FAM174A: variants seen among roughly 807,000 people sequenced by gnomAD.
The protein encoded by FAM174A is membrane protein FAM174A.
In FAM174A, 14 loss-of-function variants were observed where a neutral mutation model predicts 14.3. The observed-to-expected ratio is 0.98, with a 90% confidence interval of 0.65 to 1.53. FAM174A has a LOEUF of 1.53. Ranked by LOEUF, FAM174A falls within the 40% of genes most tolerant of loss-of-function variation. The probability of loss-of-function intolerance (pLI) is 0.00; values close to 1 mark genes in which losing one functional copy is unlikely to be tolerated. For missense variants in FAM174A, 241 were observed against 249.6 expected, an observed-to-expected ratio of 0.97 and a Z score of 0.23; for synonymous variants, 108 against 111.4, an observed-to-expected ratio of 0.97 and a Z score of 0.19.
Position 100,562,204 on chromosome 5 carries a change from G to C in FAM174A, c.569+16G>C, listed in dbSNP as rs1450483102. 1.3e-6 allele frequency: 2 copies of C among 1,557,864 alleles called. No homozygotes were observed. The highest frequency in any genetic ancestry group is 1.4e-5 in the African/African-American group (1 of 70,348). On this transcript the variant is annotated intron_variant, in intron 2 of 2. Transcript: ENST00000312637. ...ATCCTCGAAGGTAAGTATTCCAGTA[G>C]TTTAATTCCATGAATCAGGAAGCAA...
Position 100,586,395 on chromosome 5 carries a change from G to A in FAM174A, c.*211G>A. The A allele has an allele frequency of 3.2e-6, 1 of 315,354 alleles. No homozygotes were observed. Among genetic ancestry groups the A allele is most frequent in the Non-Finnish European group, 5.9e-6 (1 of 168,766 alleles). The allele number at this position is 315,354 out of a possible 1,614,324, so 19.5% of individuals were successfully genotyped here. ...GTACTCTGTTAATGGGCTCAGAGAT[G>A]TTGGGGATAAAGTATACTGTAATAA... On this transcript the variant is annotated 3_prime_UTR_variant, in exon 3 of 3. Transcript: ENST00000312637.
At chr5:100,552,903 A>C (rs910095592) in intron 1 of FAM174A, among the ~76,000 whole-genome samples, 2 of 152,126 alleles carry the variant, frequency 1.3e-5, no homozygotes, top group African/African-American at 4.8e-5. Context: ...ATAACCATAT[A>C]GCTTTTTTCT....
At chr5:100,576,765 T>C (rs1314926933) in intron 2 of FAM174A, among the ~76,000 whole-genome samples, 5 of 152,202 alleles carry the variant, frequency 3.3e-5, no homozygotes, top group African/African-American at 1.2e-4. Context: ...CTGCTTAATA[T>C]AACTTTTCTT....
chr5:100,553,942 TTTTG>T (rs1231469532), intron 1 of FAM174A, among the ~76,000 whole-genome samples: 7 of 152,270 alleles, frequency 4.6e-5, no homozygotes, highest in Admixed American at 3.9e-4. Context: ...TTCATATCAT[TTTTG>T]TTTGTTTGTT....
chr5:100,568,473 A>G (rs1187223226), intron 2 of FAM174A, among the ~76,000 whole-genome samples: 5 of 151,840 alleles, frequency 3.3e-5, no homozygotes, highest in Admixed American at 2.0e-4. Flanking sequence ...TGTATATAAT[A>G]CATAAATACA....
chr5:100,582,516 G>A (rs561360684), intron 2 of FAM174A, among the ~76,000 whole-genome samples: 4 of 151,016 alleles, frequency 2.6e-5, no homozygotes, highest in African/African-American at 7.3e-5. Context: ...TTTTCATTAC[G>A]ATGGCTCTTA....
chr5:100,543,066 C>A (rs1385379243), intron 1 of FAM174A, among the ~76,000 whole-genome samples: 1 of 152,050 alleles, frequency 6.6e-6, no homozygotes, highest in Non-Finnish European at 1.5e-5. Context: ...TGCACTCCAC[C>A]TTTCATGACA....
chr5:100,581,671 A>G (rs1330493624), intron 2 of FAM174A, among the ~76,000 whole-genome samples: 1 of 152,136 alleles, frequency 6.6e-6, no homozygotes. Flanking sequence ...TCAATATTAC[A>G]TTTGGTCGTG....
At chr5:100,582,193 A>C (rs1029506630) in intron 2 of FAM174A, among the ~76,000 whole-genome samples, 1 of 152,174 alleles carries the variant, frequency 6.6e-6, no homozygotes, top group Non-Finnish European at 1.5e-5. Flanking sequence ...AAGCGTTAAA[A>C]GGACAAGGGC....
intron 2 of FAM174A, among the ~76,000 whole-genome samples, chr5:100,569,929 A>C (rs530431812): frequency 2.0e-5 from 3 of 151,920 alleles, no homozygotes; most frequent in African/African-American, 4.8e-5. Flanking sequence ...TAAATCGGGA[A>C]TAATGCTCTT....
intron 2 of FAM174A, among the ~76,000 whole-genome samples, chr5:100,572,150 A>C (rs1316855713): frequency 1.3e-5 from 2 of 152,022 alleles, no homozygotes; most frequent in Non-Finnish European, 2.9e-5. Context: ...ATTCCTGCTT[A>C]AGGAAGTTAT....
intron 2 of FAM174A, among the ~76,000 whole-genome samples, chr5:100,580,879 C>T (rs758538160): frequency 5.3e-5 from 8 of 152,056 alleles, no homozygotes; most frequent in African/African-American, 1.4e-4. Flanking sequence ...AAGATTATAC[C>T]GTGTACTCCT....
chr5:100,540,093 C>T (rs1159088590), intron 1 of FAM174A, among the ~76,000 whole-genome samples: 3 of 152,112 alleles, frequency 2.0e-5, no homozygotes, highest in Non-Finnish European at 4.4e-5. Context: ...CTTAGTGGAG[C>T]AAGTCACTAA....
chr5:100,581,257 C>A, intron 2 of FAM174A: 1 of 498,362 alleles, frequency 2.0e-6, no homozygotes. Flanking sequence ...GTCAACCAGT[C>A]TACCTTCTAC....
At chr5:100,555,104 G>A (rs1235009721) in intron 1 of FAM174A, among the ~76,000 whole-genome samples, 1 of 151,482 alleles carries the variant, frequency 6.6e-6, no homozygotes, top group African/African-American at 2.4e-5. Context: ...ACAGGCCCCG[G>A]TGTGTGATGT....
chr5:100,583,007 A>C (rs944706902), intron 2 of FAM174A, among the ~76,000 whole-genome samples: 1 of 152,228 alleles, frequency 6.6e-6, no homozygotes, highest in Admixed American at 6.5e-5. Flanking sequence ...TATCATGAAC[A>C]GTCAATTAAC....
chr5:100,569,951 AT>A (rs1204334771), intron 2 of FAM174A, among the ~76,000 whole-genome samples: 3 of 151,860 alleles, frequency 2.0e-5, no homozygotes, highest in Non-Finnish European at 4.4e-5. Flanking sequence ...TCTAAGCCAG[AT>A]TTACTTTTCT....
In FAM174A at chr5:100,535,682, G is replaced by A. The variant is rs761907217; in HGVS notation, c.152G>A (p.Arg51Gln). Reference sequence around the variant, plus strand: ...CTTGGGCCTCCTGACCCTAGACCACGGACATTACCGCCGCTGCCACCGGGC... The same window carrying A: ...CTTGGGCCTCCTGACCCTAGACCACAGACATTACCGCCGCTGCCACCGGGC... ...PGLGPPDPRP[R>Q]TLPPLPPGPT... is the part of the protein sequence containing the mutation. The change falls in exon 1 of 3, where the codon CGG (arginine) becomes CAG (glutamine). Residue 51 changes from arginine to glutamine, a missense_variant. By Grantham distance (43) the Arg-to-Gln change is conservative (BLOSUM62 1). Transcript: ENST00000312637. 1 of 1,609,702 alleles carries A rather than the reference G, an allele frequency of 6.2e-7. No homozygotes were observed. The highest frequency in any genetic ancestry group is 1.7e-5 in the Admixed American group (1 of 59,964).
rs77298777 is a variant in FAM174A at position 100,565,321 on chromosome 5, G to T, written c.569+3133G>T. 2.6e-5 allele frequency among the ~76,000 whole-genome samples: 4 copies of T among 151,938 alleles called. No individual in the cohort carries two copies. In the East Asian group the frequency reaches 7.7e-4, roughly 29 times the overall value. Reference sequence around the variant, plus strand: ...AGTGCTATCCACATAGACAAATGAGGTTGCATCAAACTAAAATGCTTCTGC... The same window carrying T: ...AGTGCTATCCACATAGACAAATGAGTTTGCATCAAACTAAAATGCTTCTGC... On this transcript the variant is annotated intron_variant, in intron 2 of 2. Transcript: ENST00000312637.
Sources: gnomAD v4.1 joint callset for allele counts (sites outside exome capture counted in the v4.1 genomes callset) on GRCh38, gnomAD v4.1.1 for gene constraint, MANE v1.5 for transcripts, NCBI Gene and HGNC (gene_info 2026-07-23, HGNC 2026-07-21) for gene names.